AGT: variants seen among roughly 807,000 people sequenced by gnomAD.
AGT encodes alpha-1 antiproteinase, antitrypsin.
AGT carries 26 observed loss-of-function variants against 28.1 expected under a neutral mutation model. That is an observed-to-expected ratio of 0.92 (90% CI 0.68 to 1.28). AGT has a LOEUF of 1.28. Ranked by LOEUF, AGT falls within the 50% of genes most tolerant of loss-of-function variation. The pLI, the probability that AGT is intolerant of heterozygous loss-of-function variation, is 0.00. For missense variants in AGT, 596 were observed against 592.3 expected (o/e 1.01, Z -0.06); for synonymous variants, 259 against 259.6 (o/e 1.00, Z 0.02).
At chr1:230,724,249 C>A (rs1409217527) in intron 1 of AGT, among the ~76,000 whole-genome samples, 1 of 152,174 alleles carries the variant, frequency 6.6e-6, no homozygotes, top group Non-Finnish European at 1.5e-5. Flanking sequence ...CTTGCTAACC[C>A]CTAATCTATT....
rs750256750 is a variant in AGT at position 230,710,390 on chromosome 1, G to A, written c.434C>T (p.Thr145Ile). The stretch of plus-strand genomic sequence containing the variant: ...CAGGATTGCCTGTAGCCTGTCAGCT[G>A]TGTGGTCCAAGGCTCCCAGATAGAG... The part of the protein sequence containing the change: ...ASLYLGALDH[T>I]ADRLQAILGV... The change falls in exon 2 of 5, where the codon ACA becomes ATA. Residue 145 changes from threonine to isoleucine, a missense_variant. Thr to Ile is a moderately conservative substitution (Grantham distance 89, BLOSUM62 -1). Transcript: ENST00000366667. 9 of 1,614,112 alleles carry A rather than the reference G, an allele frequency of 5.6e-6. No homozygotes were observed. The highest frequency in any genetic ancestry group is 3.3e-5 in the Admixed American group (2 of 60,008).
intron 1 of AGT, among the ~76,000 whole-genome samples, chr1:230,738,927 T>A (rs1286000211): frequency 2.6e-5 from 4 of 152,152 alleles, no homozygotes; most frequent in African/African-American, 9.7e-5. Flanking sequence ...AAAGGACTTT[T>A]AAAAAAATTA....
intron 1 of AGT, among the ~76,000 whole-genome samples, chr1:230,731,853 T>TG (rs1463898248): frequency 6.6e-6 from 1 of 151,716 alleles, no homozygotes; most frequent in East Asian, 1.9e-4. Flanking sequence ...GGTGACAGAG[T>TG]GAGACTCCAT....
intron 1 of AGT, among the ~76,000 whole-genome samples, chr1:230,727,312 G>A (rs1244352431): frequency 6.6e-6 from 1 of 152,200 alleles, no homozygotes; most frequent in Non-Finnish European, 1.5e-5. Context: ...CCAAGCCAGG[G>A]CAGGGAGATT....
intron 1 of AGT, among the ~76,000 whole-genome samples, chr1:230,734,025 G>A (rs1318088489): frequency 3.3e-5 from 5 of 152,112 alleles, no homozygotes; most frequent in African/African-American, 1.2e-4. Context: ...GTTGGCACAT[G>A]TATTTTCTCT....
chr1:230,741,785 T>A (rs1400305100), intron 1 of AGT, among the ~76,000 whole-genome samples: 1 of 152,168 alleles, frequency 6.6e-6, no homozygotes, highest in Non-Finnish European at 1.5e-5. Flanking sequence ...TAAGCTCCTT[T>A]GCAAATGTAC....
intron 1 of AGT, among the ~76,000 whole-genome samples, chr1:230,725,461 G>T (rs985913348): frequency 6.6e-5 from 10 of 152,116 alleles, no homozygotes; most frequent in African/African-American, 2.2e-4. Context: ...TCAGTGGTCC[G>T]AACTTTGTGT....
In AGT at chr1:230,703,351, G is replaced by C. The variant is rs137880480; in HGVS notation, c.1243-22C>G. On this transcript the variant is annotated intron_variant, in intron 4 of 4. Transcript: ENST00000366667. ...GCACCTGCAAAGCAGCAGACATCAGGATCATTCTGAGGGCGCACTGGGTGA... is the reference window on the plus strand; with the variant it reads ...GCACCTGCAAAGCAGCAGACATCAGCATCATTCTGAGGGCGCACTGGGTGA... 255 of 1,614,002 alleles carry C rather than the reference G, an allele frequency of 1.6e-4. 1 individual carries two copies. Among genetic ancestry groups the C allele is most frequent in the Non-Finnish European group, 9.1e-5 (107 of 1,179,920 alleles).
At chr1:230,744,613 A>G (rs1053170454) in intron 1 of AGT, among the ~76,000 whole-genome samples, 3 of 152,324 alleles carry the variant, frequency 2.0e-5, no homozygotes, top group South Asian at 2.1e-4. Context: ...ACTCTGAGGC[A>G]TGTTTGTTTT....
rs555464927 is a variant in AGT, at chr1:230,738,818, T to G, written c.-31+6697A>C. Among the ~76,000 whole-genome samples the G allele has an allele frequency of 2.2e-4, 34 of 152,174 alleles. 1 individual carries two copies. Among genetic ancestry groups the G allele is most frequent in the Non-Finnish European group, 4.1e-4 (28 of 68,028 alleles). On this transcript the variant is annotated intron_variant, in intron 1 of 4. Coordinates refer to the AGT transcript ENST00000681269. ...TATGTCCCATAACTAAATACACAAC[T>G]GTAGATGTAGGTGATAAATCAAATG...
rs559094931 is a variant in AGT, at chr1:230,743,447, C to T, written c.-31+2068G>A. On this transcript the variant is annotated intron_variant, in intron 1 of 4. Coordinates refer to the AGT transcript ENST00000681269. ...CCAGCAGAACGCCCTGACAGTACTT[C>T]TAGAAGAATCTGTCCCTTCCTGCCT... Among the ~76,000 whole-genome samples the T allele has an allele frequency of 6.1e-5, 8 of 130,860 alleles. No homozygotes were observed. In the East Asian group the frequency reaches 2.1e-3, roughly 34 times the overall value. 85.8% of individuals were successfully genotyped at this position (130,860 alleles called of 152,430 possible).
At chr1:230,717,388 C>A (rs1031545456), upstream of AGT, among the ~76,000 whole-genome samples, 1 of 152,112 alleles carries the variant, frequency 6.6e-6, no homozygotes, top group Non-Finnish European at 1.5e-5. Context: ...AACACATAAA[C>A]TCCTCTCTCC....
chr1:230,709,904 C>G, intron 2 of AGT, 91 bp downstream of exon 2: 1 of 1,581,494 alleles, frequency 6.3e-7, no homozygotes, highest in South Asian at 1.1e-5. Flanking sequence ...AGGGCTGCCC[C>G]CTGCCCATCT....
upstream of AGT, among the ~76,000 whole-genome samples, chr1:230,716,220 T>C (rs1313828458): frequency 6.6e-6 from 1 of 152,338 alleles, no homozygotes; most frequent in Non-Finnish European, 1.5e-5. Flanking sequence ...GAGAATTTTA[T>C]TGAGAATGTA....
At chr1:230,704,073 T>G (rs753388956) in intron 4 of AGT, 120 bp downstream of exon 4, 2 of 1,491,312 alleles carry the variant, frequency 1.3e-6, no homozygotes, top group Non-Finnish European at 1.9e-6. Context: ...GGCCCTACTC[T>G]CCGCTCCCTC....
intron 1 of AGT, among the ~76,000 whole-genome samples, chr1:230,720,232 A>G (rs1466340556): frequency 1.3e-5 from 2 of 152,152 alleles, no homozygotes; most frequent in African/African-American, 4.8e-5. Context: ...TGGTGGTTCC[A>G]ACTGATTTCT....
intron 1 of AGT, among the ~76,000 whole-genome samples, chr1:230,742,742 T>C (rs1111051): frequency 0.073 from 11,096 of 152,290 alleles, 545 homozygotes; most frequent in African/African-American, 0.13. Flanking sequence ...TAATTTTCTT[T>C]ACCATTCCCC....
chr1:230,736,655 A>C (rs1354932560), intron 1 of AGT, among the ~76,000 whole-genome samples: 1 of 152,220 alleles, frequency 6.6e-6, no homozygotes, highest in East Asian at 1.9e-4. Context: ...GGATTTCATT[A>C]AATGTTTTCA....
chr1:230,725,167 G>T (rs1663917298), intron 1 of AGT, among the ~76,000 whole-genome samples: 1 of 152,148 alleles, frequency 6.6e-6, no homozygotes, highest in Non-Finnish European at 1.5e-5. Context: ...GGATTAAATT[G>T]GTTTAATGGA....
Sources: gnomAD v4.1 joint callset for allele counts (sites outside exome capture counted in the v4.1 genomes callset) on GRCh38, gnomAD v4.1.1 for gene constraint, MANE v1.5 for transcripts, NCBI Gene and HGNC (gene_info 2026-07-23, HGNC 2026-07-21) for gene names.